Variants in ATM observed in about 807,000 individuals in gnomAD.
ATM encodes serine-protein kinase ATM.
Under a neutral mutation model 387.0 loss-of-function variants are expected in ATM, and 308 were observed. The ratio of observed to expected loss-of-function variants is 0.80; its 90% CI spans 0.73 to 0.87. The LOEUF (loss-of-function observed/expected upper bound fraction) is 0.87. ATM is among the 40% of genes least tolerant of loss of function. The pLI is 0.00. For missense variants in ATM, 3,312 were observed against 3,560.9 expected (o/e 0.93, Z 1.78); for synonymous variants, 1,156 against 1,187.3 (o/e 0.97, Z 0.54).
chr11:108,234,045 A>G (rs886388565), intron 4 of ATM, among the ~76,000 whole-genome samples: 1 of 152,230 alleles, frequency 6.6e-6, no homozygotes, highest in Non-Finnish European at 1.5e-5. Context: ...CTTTTACGTC[A>G]GAATATAGAG....
At chr11:108,263,011 T>A (rs1466603650) in intron 16 of ATM, among the ~76,000 whole-genome samples, 1 of 152,048 alleles carries the variant, frequency 6.6e-6, no homozygotes, top group African/African-American at 2.4e-5. Flanking sequence ...ACAAACAGAC[T>A]TAGACTCCCA....
intron 5 of ATM, among the ~76,000 whole-genome samples, chr11:108,237,850 T>C (rs557504937): frequency 6.6e-6 from 1 of 151,238 alleles, no homozygotes; most frequent in Non-Finnish European, 1.5e-5. Flanking sequence ...ATCTTAACAA[T>C]GTGGAGTTTT....
chr11:108,341,494 CT>C (rs1224729339), intron 56 of ATM, among the ~76,000 whole-genome samples: 1 of 152,096 alleles, frequency 6.6e-6, no homozygotes, highest in African/African-American at 2.4e-5. Context: ...TCTCAGTGCC[CT>C]AGCCCTGTGT....
chr11:108,354,540 G>C (rs1190792608), intron 60 of ATM, among the ~76,000 whole-genome samples: 3 of 152,214 alleles, frequency 2.0e-5, no homozygotes, highest in Non-Finnish European at 4.4e-5. Context: ...ATCAAAGACT[G>C]AGAGCTGAGC....
chr11:108,272,668 G>T, intron 21 of ATM, 54 bp from the exon 22 acceptor site: 1 of 1,612,850 alleles, frequency 6.2e-7, no homozygotes, highest in Non-Finnish European at 8.5e-7. Context: ...GTCTTTGTTT[G>T]TTAATGAGTA....
chr11:108,237,929 CTT>C (rs2079372822), intron 5 of ATM, among the ~76,000 whole-genome samples: 1 of 53,256 alleles, frequency 1.9e-5, no homozygotes, highest in Non-Finnish European at 4.2e-5. Context: ...TTTTTTGCTT[CTT>C]TGTTTGTTTT....
intron 61 of ATM, among the ~76,000 whole-genome samples, chr11:108,362,973 ACAAC>A (rs1051907342): frequency 9.2e-5 from 14 of 152,140 alleles, no homozygotes; most frequent in African/African-American, 3.4e-4. Flanking sequence ...AAAAAAACAA[ACAAC>A]AAAACAAACA....
Position 108,329,005 on chromosome 11 carries a change from T to G in ATM, c.7090-16T>G. The G allele has an allele frequency of 6.2e-7, 1 of 1,603,052 alleles. No individual in the cohort carries two copies. Among genetic ancestry groups the G allele is most frequent in the Non-Finnish European group, 8.5e-7 (1 of 1,170,022 alleles). On this transcript the variant is annotated splice_polypyrimidine_tract_variant and intron_variant, in intron 48 of 62. Coordinates refer to ENST00000675843, the MANE Select transcript of ATM (RefSeq NM_000051.4). ...TATTTGTAAATATAATTTAAATTGG[T>G]TGTGTTTTCTTGAAGGCAGTAGAAG...
At chr11:108,291,700 A>G (rs758287421) in intron 29 of ATM, among the ~76,000 whole-genome samples, 6 of 152,206 alleles carry the variant, frequency 3.9e-5, no homozygotes, top group Non-Finnish European at 8.8e-5. Context: ...TTGGATACCA[A>G]GAGTGTTGGG....
intron 37 of ATM, among the ~76,000 whole-genome samples, chr11:108,306,814 T>G (rs2083724597): frequency 6.6e-6 from 1 of 152,164 alleles, no homozygotes; most frequent in Admixed American, 6.5e-5. Context: ...CTTCATCCCT[T>G]CCCCCAGCCT....
intron 3 of ATM, 35 bp from the exon 4 acceptor site, chr11:108,229,143 A>G (rs974166155): frequency 2.2e-5 from 35 of 1,589,964 alleles, no homozygotes; most frequent in Non-Finnish European, 3.0e-5. Context: ...TAAGTATTCA[A>G]CGAGTTTCTG....
chr11:108,255,913 T>C (rs1475328743), intron 13 of ATM, among the ~76,000 whole-genome samples: 1 of 152,188 alleles, frequency 6.6e-6, no homozygotes, highest in South Asian at 2.1e-4. Flanking sequence ...AAGCTTTTTT[T>C]CTTTTCTTTC....
Position 108,250,982 on chromosome 11 carries a change from G to A in ATM, c.1517G>A (p.Gly506Asp), listed in dbSNP as rs767683273. ...SSEQIQAENF[G>D]LLGAIIQGSL... is the part of the protein sequence containing the mutation. ...GAGCAAATACAAGCTGAAAACTTTGGCTTACTTGGAGCCATAATTCAGGGT... is the reference window on the plus strand; with the variant it reads ...GAGCAAATACAAGCTGAAAACTTTGACTTACTTGGAGCCATAATTCAGGGT... The change falls in exon 10 of 63, where the codon GGC (glycine) becomes GAC (aspartate). Residue 506 changes from glycine to aspartate, a missense_variant. Physicochemically the swap from Gly to Asp is moderately conservative, Grantham distance 94. Around this residue, in one of 4 missense-constraint regions of ATM, gnomAD observed 1,791 missense variants for 1,804.5 expected, o/e 0.99. Coordinates refer to ENST00000675843, the MANE Select transcript of ATM (RefSeq NM_000051.4). 1 of 1,614,052 alleles carries A rather than the reference G, an allele frequency of 6.2e-7. No individual in the cohort carries two copies. The highest frequency in any genetic ancestry group is 8.5e-7 in the Non-Finnish European group (1 of 1,179,996).
At chr11:108,301,932 T>C (rs1047692846) in intron 35 of ATM, 143 bp downstream of exon 35, 1 of 986,488 alleles carries the variant, frequency 1.0e-6, no homozygotes, top group African/African-American at 1.6e-5. Context: ...CCATATTTCA[T>C]AAATCCAGGG....
chr11:108,267,487 AT>A lies in ATM; in HGVS notation c.2638+155del, dbSNP rs539495734. 3,612 of 548,956 alleles carry A rather than the reference AT, an allele frequency of 6.6e-3. 16 individuals are homozygous for A. The highest frequency in any genetic ancestry group is 0.021 in the African/African-American group (1,061 of 49,952). 34.0% of individuals were successfully genotyped at this position (548,956 alleles called of 1,614,324 possible). On this transcript the variant is annotated intron_variant, in intron 17 of 62. Coordinates refer to ENST00000675843, the MANE Select transcript of ATM (RefSeq NM_000051.4). ...GGATTGTTCCTTTCTTATATACTTT[AT>A]TTTTTTTTTATTTTTACTTGAATTT...
chr11:108,249,112 T>TA lies in ATM; in HGVS notation c.1235+11dup, dbSNP rs773187419. 98 of 1,613,554 alleles carry TA rather than the reference T, an allele frequency of 6.1e-5. No homozygotes were observed. Among genetic ancestry groups the TA allele is most frequent in the Non-Finnish European group, 8.2e-5 (97 of 1,179,812 alleles). On this transcript the variant is annotated intron_variant, in intron 9 of 62. Coordinates refer to ENST00000675843, the MANE Select transcript of ATM (RefSeq NM_000051.4). ...TTGATCTTGTGCCTTGGTAAAGTGT[T>TA]ACCATTTTCTCATTCAGTGTCATTT...
rs1172558745 is a variant in ATM at position 108,365,578 on chromosome 11, C to T, written c.*70C>T. The T allele has an allele frequency of 2.0e-6, 3 of 1,517,860 alleles. No homozygotes were observed. The South Asian group carries it at 3.6e-5, about 18-fold the overall frequency. The allele number at this position is 1,517,860 out of a possible 1,614,324, so 94.0% of individuals were successfully genotyped here. ...TATTTTAGCCTTTATTTTTAACCTG[C>T]CAACATACTTTAAGTAGGGATTAAT... On this transcript the variant is annotated 3_prime_UTR_variant, in exon 63 of 63. Transcript: ENST00000675843.
In ATM at chr11:108,257,488, T is replaced by C. The variant is rs587781607; in HGVS notation, c.2258T>C (p.Met753Thr). The change falls in exon 15 of 63, where the codon ATG becomes ACG. Residue 753 changes from methionine to threonine, a missense_variant. By Grantham distance (81) the Met-to-Thr change is moderately conservative. Around this residue, in one of 4 missense-constraint regions of ATM, gnomAD observed 1,791 missense variants for 1,804.5 expected, o/e 0.99. Coordinates refer to ENST00000675843, the MANE Select transcript of ATM (RefSeq NM_000051.4). Reference sequence around the variant, plus strand: ...TCCTTCTATTCACAATAGTCTCTAATGCAATGTGCAGGAGAAAGTATCACT... The same window carrying C: ...TCCTTCTATTCACAATAGTCTCTAACGCAATGTGCAGGAGAAAGTATCACT... The part of the protein sequence containing the change: ...SELFQKAKSL[M>T]QCAGESITLF... The C allele has an allele frequency of 3.7e-6, 6 of 1,613,144 alleles. No homozygotes were observed. Among genetic ancestry groups the C allele is most frequent in the African/African-American group, 2.7e-5 (2 of 74,930 alleles).
rs1425217009 is a variant in ATM, at chr11:108,367,624, C to T, written c.*2116C>T. ...TTGAGCTTTCTCCTCGTATTTGGAC[C>T]TTGAAGGTTATATAAATTTTTTTCT... On this transcript the variant is annotated 3_prime_UTR_variant, in exon 63 of 63. Coordinates refer to ENST00000675843, the MANE Select transcript of ATM (RefSeq NM_000051.4). 1 of 208,828 alleles carries T rather than the reference C, an allele frequency of 4.8e-6. No individual in the cohort carries two copies. The highest frequency in any genetic ancestry group is 5.9e-5 in the Admixed American group (1 of 16,956). 12.9% of individuals were successfully genotyped at this position (208,828 alleles called of 1,614,324 possible). A position where few individuals can be genotyped will look rare whatever the true frequency, so the allele number is the denominator to read the frequency against.
Sources: gnomAD v4.1 joint callset for allele counts (sites outside exome capture counted in the v4.1 genomes callset) on GRCh38, gnomAD v4.1.1 for gene constraint, gnomAD v4.1.1 regional missense constraint, MANE v1.5 for transcripts, NCBI Gene and HGNC (gene_info 2026-07-23, HGNC 2026-07-21) for gene names.